ATG7: variants seen among roughly 807,000 people sequenced by gnomAD.
The protein encoded by ATG7 is ubiquitin-like modifier-activating enzyme ATG7.
ATG7 carries 70 observed loss-of-function variants against 82.4 expected under a neutral mutation model. The observed-to-expected ratio is 0.85, with a 90% confidence interval of 0.70 to 1.04. The LOEUF is 1.04. Among genes scored for constraint, ATG7 ranks in the 50% least tolerant of loss-of-function variants. ATG7 has a pLI of 0.00. For missense variants in ATG7, 792 were observed against 864.3 expected (o/e 0.92, Z 1.05); for synonymous variants, 287 against 313.0 (o/e 0.92, Z 0.88).
chr3:11,351,185 CA>C (rs1260662170), intron 14 of ATG7, among the ~76,000 whole-genome samples: 1 of 152,122 alleles, frequency 6.6e-6, no homozygotes, highest in African/African-American at 2.4e-5. Flanking sequence ...GTTCCAGGGA[CA>C]GGGGAACTAG....
At chr3:11,507,170 T>A (rs1474173830) in intron 20 of ATG7, among the ~76,000 whole-genome samples, 1 of 152,042 alleles carries the variant, frequency 6.6e-6, no homozygotes, top group Admixed American at 6.6e-5. Context: ...TAGTGCCAGC[T>A]ACTCAGGAGG....
chr3:11,518,613 G>T (rs1464370099), intron 20 of ATG7, among the ~76,000 whole-genome samples: 2 of 151,834 alleles, frequency 1.3e-5, no homozygotes, highest in South Asian at 2.1e-4. Flanking sequence ...TTGTTACTCT[G>T]TTTCTTTGCT....
chr3:11,366,280 T>G (rs1214674570), intron 18 of ATG7, among the ~76,000 whole-genome samples: 1 of 151,700 alleles, frequency 6.6e-6, no homozygotes, highest in Non-Finnish European at 1.5e-5. Flanking sequence ...AGTCTCAGTT[T>G]CCAAATCAAG....
intron 1 of ATG7, chr3:11,277,304 C>G (rs547930933): frequency 6.6e-6 from 1 of 152,422 alleles, no homozygotes; most frequent in East Asian, 1.9e-4. Context: ...ACATAAGGCT[C>G]TTCATGATAT....
intron 19 of ATG7, among the ~76,000 whole-genome samples, chr3:11,394,193 A>G (rs780513065): frequency 2.0e-5 from 3 of 152,182 alleles, no homozygotes; most frequent in Non-Finnish European, 2.9e-5. Context: ...AGCTATTACT[A>G]TTCTTCAAAG....
chr3:11,419,383 A>G (rs2081720162), intron 19 of ATG7, among the ~76,000 whole-genome samples: 1 of 152,046 alleles, frequency 6.6e-6, no homozygotes, highest in South Asian at 2.1e-4. Context: ...GCAAAACCCC[A>G]TCTCTACTAA....
chr3:11,554,193 C>T (rs2072138429), intron 20 of ATG7, among the ~76,000 whole-genome samples: 1 of 152,246 alleles, frequency 6.6e-6, no homozygotes, highest in African/African-American at 2.4e-5. Context: ...GAGGCTCAGA[C>T]TCGGAGGACA....
At chr3:11,492,046 C>T (rs1245106930) in intron 20 of ATG7, among the ~76,000 whole-genome samples, 20 of 152,246 alleles carry the variant, frequency 1.3e-4, no homozygotes, top group East Asian at 5.8e-4. Flanking sequence ...CAATGGTGGG[C>T]GCCCCTCCCC....
rs144602389 is a variant in ATG7, at chr3:11,284,189, T to G, written c.-11+1751T>G. ...CTTCTTCATTTAAAAAATCCTGTAT[T>G]TCTTCATTAAAAAATATCCTACACT... On this transcript the variant is annotated intron_variant, in intron 3 of 20. Transcript: ENST00000693202. Among the ~76,000 whole-genome samples, 1,166 of 152,304 alleles carry G rather than the reference T, an allele frequency of 7.7e-3. 11 individuals carry two copies. Among genetic ancestry groups the G allele is most frequent in the African/African-American group, 0.027 (1,112 of 41,552 alleles).
At chr3:11,559,244 G>T, downstream of ATG7, 1 of 1,452,888 alleles carries the variant, frequency 6.9e-7, no homozygotes. Context: ...GGGCTCAGGG[G>T]CGAGAGGTTT....
the ATG7 span, among the ~76,000 whole-genome samples, chr3:11,568,321 C>T: frequency 6.6e-6 from 1 of 152,182 alleles, no homozygotes; most frequent in Admixed American, 6.5e-5. The surrounding 1 kb of genome is among the most constrained non-coding windows in gnomAD (Gnocchi z 5.9). Context: ...ACTATGAGAC[C>T]ACATCACAGA....
chr3:11,364,734 G>C lies in ATG7; in HGVS notation c.1875G>C (p.Gln625His). The C allele has an allele frequency of 6.2e-7, 1 of 1,614,076 alleles. No individual in the cohort carries two copies. The highest frequency in any genetic ancestry group is 1.1e-5 in the South Asian group (1 of 91,078). Residue 625 changes from glutamine (Q) to histidine (H), a missense_variant and splice_region_variant, in exon 18 of 21, where the codon CAG becomes CAC. Transcript: ENST00000693202. ...CCTCTCTTGGGCTTGTGCCTCACCA[G>C]GTTAGTGATGTGGAAGTGAAATCAC... Reference protein sequence around the residue: ...PPTSLGLVPHQIRGFLSRFDN... With the variant: ...PPTSLGLVPHHIRGFLSRFDN...
intron 20 of ATG7, among the ~76,000 whole-genome samples, chr3:11,552,811 C>G (rs1358291950): frequency 6.6e-6 from 1 of 152,220 alleles, no homozygotes; most frequent in Non-Finnish European, 1.5e-5. Context: ...CAGGCACCTT[C>G]CAGGGCCAGT....
rs77009041 is a variant in ATG7 at position 11,526,485 on chromosome 3, A to C, written c.2080-28326A>C. On this transcript the variant is annotated intron_variant, in intron 20 of 20. Transcript: ENST00000693202. ...AATTTTGACTATTTTTTAAGATGCT[A>C]ATTTATAAGCAATAGGATTATTAGC... Among the ~76,000 whole-genome samples, 86 of 152,348 alleles carry C rather than the reference A, an allele frequency of 5.6e-4. 2 individuals are homozygous for C. In the East Asian group the frequency reaches 0.014, roughly 25 times the overall value.
At chr3:11,547,508 C>T (rs920827907) in intron 20 of ATG7, among the ~76,000 whole-genome samples, 35 of 152,182 alleles carry the variant, frequency 2.3e-4, no homozygotes, top group Admixed American at 1.0e-3. Context: ...TATGTGGACA[C>T]GTTGTCATTT....
intron 19 of ATG7, among the ~76,000 whole-genome samples, chr3:11,404,125 A>ATTTTTT (rs10591303): frequency 1.6e-4 from 12 of 76,924 alleles, no homozygotes; most frequent in East Asian, 3.9e-4. Context: ...AACCAGCTCA[A>ATTTTTT]TTTTTTTTTT....
At chr3:11,551,306 T>A (rs1219021337) in intron 20 of ATG7, among the ~76,000 whole-genome samples, 1 of 152,238 alleles carries the variant, frequency 6.6e-6, no homozygotes, top group Non-Finnish European at 1.5e-5. Context: ...TTCCTGTTTT[T>A]CCACATAGCC....
At chr3:11,324,139 GCTT>G (rs1413781323) in intron 9 of ATG7, among the ~76,000 whole-genome samples, 2 of 152,160 alleles carry the variant, frequency 1.3e-5, no homozygotes, top group African/African-American at 4.8e-5. Context: ...GTTACGTTGA[GCTT>G]CTTTCTGCTG....
intron 20 of ATG7, among the ~76,000 whole-genome samples, chr3:11,491,371 G>T (rs1030963958): frequency 3.3e-5 from 5 of 151,998 alleles, no homozygotes; most frequent in Admixed American, 6.6e-5. Context: ...TTATACATTC[G>T]TCTAAATTTT....
Sources: allele counts gnomAD v4.1 joint callset (sites outside exome capture counted in the v4.1 genomes callset), GRCh38; gene constraint gnomAD v4.1.1; non-coding constraint Gnocchi (gnomAD v3.1); transcripts MANE v1.5; gene names NCBI Gene and HGNC (gene_info 2026-07-23, HGNC 2026-07-21).